GRM8: variants seen among roughly 807,000 people sequenced by gnomAD.
The protein encoded by GRM8 is metabotropic glutamate receptor 8.
GRM8 carries 47 observed loss-of-function variants against 87.2 expected under a neutral mutation model. That is an observed-to-expected ratio of 0.54 (90% CI 0.43 to 0.69). The LOEUF (loss-of-function observed/expected upper bound fraction) is 0.69, where lower values mean the gene tolerates loss of function less well. Among genes scored for constraint, GRM8 ranks in the 30% least tolerant of loss-of-function variants. GRM8 has a pLI of 0.00. For missense variants in GRM8, 1,019 were observed against 1,139.2 expected, an observed-to-expected ratio of 0.89 and a Z score of 1.52; for synonymous variants, 396 against 404.5, an observed-to-expected ratio of 0.98 and a Z score of 0.25.
chr7:126,859,831 T>C (rs1459535418), intron 6 of GRM8, among the ~76,000 whole-genome samples: 1 of 152,194 alleles, frequency 6.6e-6, no homozygotes, highest in African/African-American at 2.4e-5. Context: ...ATTTTGTTTA[T>C]AGCTCTTCCT....
chr7:126,897,462 G>GA (rs1801655047), intron 6 of GRM8, among the ~76,000 whole-genome samples: 1 of 151,874 alleles, frequency 6.6e-6, no homozygotes, highest in Non-Finnish European at 1.5e-5. Flanking sequence ...ATAAGTGTGT[G>GA]AAAAATGTGT....
chr7:127,059,521 G>C (rs191934887), intron 3 of GRM8, among the ~76,000 whole-genome samples: 1 of 151,884 alleles, frequency 6.6e-6, no homozygotes, highest in East Asian at 1.9e-4. Context: ...ATTTTTAGTA[G>C]AGACCAGGTT....
chr7:126,798,612 T>C (rs933160152), intron 6 of GRM8, among the ~76,000 whole-genome samples: 15 of 152,176 alleles, frequency 9.9e-5, no homozygotes, highest in East Asian at 1.9e-4. Flanking sequence ...GCTGTCTCCA[T>C]GTCAGCCTTG....
At position 126,821,382 on chromosome 7, in the gene GRM8, G is replaced by A. The variant is rs143399702; in HGVS notation, c.1157-51317C>T. On this transcript the variant is annotated intron_variant, in intron 6 of 10. Transcript: ENST00000339582. ...TCAAAATCCGAGCTCTACCATTACC[G>A]CTGTGTGATCATGTTTGGCCCCTGT... 6.1e-3 allele frequency among the ~76,000 whole-genome samples: 923 copies of A among 152,164 alleles called. 8 individuals carry two copies. Among genetic ancestry groups the A allele is most frequent in the Non-Finnish European group, 7.5e-3 (511 of 68,014 alleles).
chr7:126,710,244 G>A (rs1810964846), intron 7 of GRM8, among the ~76,000 whole-genome samples: 1 of 152,154 alleles, frequency 6.6e-6, no homozygotes, highest in Non-Finnish European at 1.5e-5. Flanking sequence ...GATCAGAGTG[G>A]CGGTTGCTGA....
At chr7:126,680,852 C>T (rs1237042770) in intron 7 of GRM8, among the ~76,000 whole-genome samples, 2 of 152,178 alleles carry the variant, frequency 1.3e-5, no homozygotes, top group Admixed American at 1.3e-4. Context: ...TTTTCAGAAG[C>T]CCCTGAAGTG....
At chr7:126,707,073 G>C (rs1047052294) in intron 7 of GRM8, among the ~76,000 whole-genome samples, 1 of 152,082 alleles carries the variant, frequency 6.6e-6, no homozygotes, top group African/African-American at 2.4e-5. Context: ...AGAGGGAAAG[G>C]TGGGCAGATC....
At chr7:127,092,101 C>G (rs1435890546) in intron 3 of GRM8, among the ~76,000 whole-genome samples, 4 of 148,000 alleles carry the variant, frequency 2.7e-5, no homozygotes, top group Non-Finnish European at 5.9e-5. Flanking sequence ...TTCCCCCGTT[C>G]CACTGGTCAT....
intron 8 of GRM8, among the ~76,000 whole-genome samples, chr7:126,540,574 G>C (rs1031151026): frequency 6.6e-6 from 1 of 152,176 alleles, no homozygotes; most frequent in Non-Finnish European, 1.5e-5. Context: ...GATAAAAAAT[G>C]TGGTATATCT....
At chr7:127,048,265 A>G (rs1238866810) in intron 3 of GRM8, among the ~76,000 whole-genome samples, 1 of 152,222 alleles carries the variant, frequency 6.6e-6, no homozygotes, top group Non-Finnish European at 1.5e-5. Context: ...CCCCAAGCCC[A>G]TGGCAGGAGC....
intron 8 of GRM8, among the ~76,000 whole-genome samples, chr7:126,577,957 A>G (rs1795261094): frequency 6.6e-6 from 1 of 151,858 alleles, no homozygotes; most frequent in South Asian, 2.1e-4. Context: ...CCTCCTTTTC[A>G]TCTCCTAATC....
chr7:126,977,461 G>A (rs1487166282), intron 3 of GRM8, among the ~76,000 whole-genome samples: 2 of 152,164 alleles, frequency 1.3e-5, no homozygotes, highest in Non-Finnish European at 2.9e-5. Flanking sequence ...GCTAAAGAGA[G>A]GACAACACAA....
intron 7 of GRM8, among the ~76,000 whole-genome samples, chr7:126,740,089 T>C (rs1484919648): frequency 6.6e-6 from 1 of 152,146 alleles, no homozygotes; most frequent in African/African-American, 2.4e-5. Flanking sequence ...TCTACATTTA[T>C]ATAGTATTGG....
chr7:126,755,456 G>A (rs565954446), intron 7 of GRM8, among the ~76,000 whole-genome samples: 11 of 151,890 alleles, frequency 7.2e-5, no homozygotes, highest in South Asian at 6.2e-4. Context: ...GAATAAATAC[G>A]GGGACAGAAA....
At chr7:126,768,420 A>C (rs1024372954) in intron 7 of GRM8, among the ~76,000 whole-genome samples, 1 of 150,592 alleles carries the variant, frequency 6.6e-6, no homozygotes, top group Non-Finnish European at 1.5e-5. Context: ...CTAGAGGCAA[A>C]TCCTTTTAAT....
intron 7 of GRM8, among the ~76,000 whole-genome samples, chr7:126,747,962 A>G (rs1815901147): frequency 6.6e-6 from 1 of 151,924 alleles, no homozygotes; most frequent in Admixed American, 6.6e-5. Context: ...TATATTTTAT[A>G]TTATTTTATT....
intron 3 of GRM8, among the ~76,000 whole-genome samples, chr7:127,086,105 TTG>T (rs1420339224): frequency 6.6e-6 from 1 of 152,122 alleles, no homozygotes; most frequent in Non-Finnish European, 1.5e-5. Context: ...TTTGATTGTT[TTG>T]TTTTGTTTTT....
At chr7:126,704,688 C>G (rs1810303167) in intron 7 of GRM8, among the ~76,000 whole-genome samples, 1 of 152,028 alleles carries the variant, frequency 6.6e-6, no homozygotes, top group Non-Finnish European at 1.5e-5. Flanking sequence ...TATGGTCGAG[C>G]TGTAGGGATG....
chr7:127,195,391 A>C (rs1179624483), intron 2 of GRM8, among the ~76,000 whole-genome samples: 1 of 152,166 alleles, frequency 6.6e-6, no homozygotes, highest in Non-Finnish European at 1.5e-5. Flanking sequence ...TGGACGGGGG[A>C]AAATCTTAAC....
Sources: gnomAD v4.1 joint callset for allele counts (sites outside exome capture counted in the v4.1 genomes callset) on GRCh38, gnomAD v4.1.1 for gene constraint, MANE v1.5 for transcripts, NCBI Gene and HGNC (gene_info 2026-07-23, HGNC 2026-07-21) for gene names.